TRPM3: variants seen among roughly 807,000 people sequenced by gnomAD.
TRPM3 encodes the protein transient receptor potential cation channel subfamily M member 3.
TRPM3 carries 77 observed loss-of-function variants against 181.2 expected under a neutral mutation model. The observed-to-expected ratio is 0.42, with a 90% CI of 0.35 to 0.51. The LOEUF is 0.51. Among genes scored for constraint, TRPM3 ranks in the 20% least tolerant of loss-of-function variants. The pLI is 0.01. For synonymous variants in TRPM3, 745 were observed against 796.4 expected (o/e 0.94, Z 1.09); for missense variants, 1,759 against 2,196.7 (o/e 0.80, Z 3.98).
intron 3 of TRPM3, among the ~76,000 whole-genome samples, chr9:70,854,757 T>G (rs2095341785): frequency 6.6e-6 from 1 of 152,196 alleles, no homozygotes; most frequent in Admixed American, 6.5e-5. Context: ...TTAGCGTCAC[T>G]GCCTGGCAGC....
intron 1 of TRPM3, among the ~76,000 whole-genome samples, chr9:71,111,926 C>G (rs1006343928): frequency 6.6e-6 from 1 of 152,064 alleles, no homozygotes; most frequent in Admixed American, 6.6e-5. Flanking sequence ...TATTTTGACT[C>G]TGATTTATTT....
chr9:70,862,880 G>C, intron 3 of TRPM3, 28 bp downstream of exon 3: 5 of 1,608,230 alleles, frequency 3.1e-6, no homozygotes, highest in Non-Finnish European at 4.3e-6. Context: ...GATAGCATTT[G>C]GGAGCAACTG....
chr9:70,932,310 TCCTGCCTGCCTGCTTGCCTGTCCA>T (rs1205025602), intron 1 of TRPM3, among the ~76,000 whole-genome samples: 1 of 152,092 alleles, frequency 6.6e-6, no homozygotes, highest in Non-Finnish European at 1.5e-5. Flanking sequence ...TCTAATGCCT[TCCTGCCTGCCTGCTTGCCTGTCCA>T]CCTGCCTGTC....
rs2095935219 is a variant in TRPM3, at chr9:70,879,250, A to G, written c.178-14739T>C. On this transcript the variant is annotated intron_variant, in intron 1 of 25. Transcript: ENST00000677713. ...AAGAACAGTCACTTTGGGCCAGGAG[A>G]GGTATCTGAGCTGGGCCTGGCACAG... 1.3e-5 allele frequency among the ~76,000 whole-genome samples: 2 copies of G among 152,066 alleles called. 1 individual carries two copies. The highest frequency in any genetic ancestry group is 4.1e-4 in the South Asian group (2 of 4,822).
chr9:70,543,653 T>G (rs903939645), intron 25 of TRPM3, among the ~76,000 whole-genome samples: 11 of 152,164 alleles, frequency 7.2e-5, no homozygotes, highest in African/African-American at 2.2e-4. Context: ...TTCTGTCACT[T>G]TTTGGATCTA....
chr9:70,882,736 TCCTGGTGTCTC>T (rs1326139489), intron 1 of TRPM3, among the ~76,000 whole-genome samples: 2 of 152,168 alleles, frequency 1.3e-5, no homozygotes, highest in East Asian at 3.8e-4. Flanking sequence ...AGTAGCCCAC[TCCTGGTGTCTC>T]CCTACTTTAT....
chr9:70,840,028 A>G (rs1188180103), intron 5 of TRPM3, among the ~76,000 whole-genome samples: 1 of 152,140 alleles, frequency 6.6e-6, no homozygotes, highest in African/African-American at 2.4e-5. Context: ...GGGAATCTTC[A>G]CTAATGACCA....
intron 22 of TRPM3, 116 bp from the exon 23 acceptor site, chr9:70,553,426 CAG>C: frequency 1.5e-6 from 2 of 1,323,798 alleles, no homozygotes; most frequent in Non-Finnish European, 2.0e-6. Flanking sequence ...CCATCTCAAA[CAG>C]AAAAAAGTTC....
chr9:70,779,896 G>A (rs912373850), intron 7 of TRPM3, among the ~76,000 whole-genome samples: 3 of 152,068 alleles, frequency 2.0e-5, no homozygotes, highest in African/African-American at 7.2e-5. Context: ...AAAAAAAATG[G>A]GAGTTTGACC....
chr9:70,976,899 T>C (rs1356167429), intron 1 of TRPM3, among the ~76,000 whole-genome samples: 1 of 152,190 alleles, frequency 6.6e-6, no homozygotes, highest in East Asian at 1.9e-4. Flanking sequence ...CTGCCACTGA[T>C]GGACAGTGGG....
intron 1 of TRPM3, among the ~76,000 whole-genome samples, chr9:71,029,799 T>C (rs185956189): frequency 1.3e-5 from 2 of 152,278 alleles, no homozygotes; most frequent in East Asian, 3.9e-4. Context: ...ATATTATAGA[T>C]ATTAATAACA....
chr9:71,344,864 C>T (rs1488967106), intron 1 of TRPM3, among the ~76,000 whole-genome samples: 1 of 152,130 alleles, frequency 6.6e-6, no homozygotes, highest in African/African-American at 2.4e-5. Context: ...ATAAGGAACT[C>T]TTGCAATTCA....
At chr9:71,013,264 T>G (rs2097759887) in intron 1 of TRPM3, among the ~76,000 whole-genome samples, 1 of 152,108 alleles carries the variant, frequency 6.6e-6, no homozygotes, top group Non-Finnish European at 1.5e-5. Context: ...GGATTTCCTG[T>G]TACTGAAACA....
intron 1 of TRPM3, among the ~76,000 whole-genome samples, chr9:71,386,859 C>T (rs1565522075): frequency 6.6e-6 from 1 of 152,064 alleles, no homozygotes; most frequent in Admixed American, 6.6e-5. Flanking sequence ...CAATTTGATT[C>T]TTAGTTTACC....
intron 8 of TRPM3, among the ~76,000 whole-genome samples, chr9:70,742,364 A>G (rs2134857084): frequency 6.6e-6 from 1 of 152,254 alleles, no homozygotes; most frequent in East Asian, 1.9e-4. Flanking sequence ...GTTTTGATAT[A>G]TATAATGTAT....
chr9:70,750,214 A>G (rs2075885098), intron 8 of TRPM3, among the ~76,000 whole-genome samples: 1 of 152,188 alleles, frequency 6.6e-6, no homozygotes, highest in Non-Finnish European at 1.5e-5. Context: ...TGATCATGGA[A>G]GTGGAAATGG....
intron 11 of TRPM3, among the ~76,000 whole-genome samples, chr9:70,637,080 C>T (rs1159765896): frequency 6.6e-6 from 1 of 152,136 alleles, no homozygotes; most frequent in East Asian, 1.9e-4. Context: ...CATCAGAGCT[C>T]TTTTTCCACT....
At chr9:71,049,316 TG>T (rs2059805049) in intron 1 of TRPM3, among the ~76,000 whole-genome samples, 1 of 152,140 alleles carries the variant, frequency 6.6e-6, no homozygotes, top group South Asian at 2.1e-4. Flanking sequence ...GGGTCAGACT[TG>T]TAAGTACTCA....
chr9:70,766,248 T>C (rs918206793), intron 7 of TRPM3, among the ~76,000 whole-genome samples: 6 of 152,186 alleles, frequency 3.9e-5, no homozygotes, highest in Admixed American at 1.3e-4. Context: ...TTGCTATTAG[T>C]ATTCTGTTCA....
Sources: allele counts gnomAD v4.1 joint callset (sites outside exome capture counted in the v4.1 genomes callset), GRCh38; gene constraint gnomAD v4.1.1; transcripts MANE v1.5; gene names NCBI Gene and HGNC (gene_info 2026-07-23, HGNC 2026-07-21).